The following PPP1R21 variants were observed in gnomAD, a reference collection of about 807,000 sequenced individuals.
PPP1R21 encodes protein phosphatase 1 regulatory subunit 21, also known as KLRAQ motif containing 1.
A neutral mutation model predicts 112.8 loss-of-function variants in PPP1R21; 85 were observed. The observed-to-expected ratio is 0.75, with a 90% confidence interval of 0.63 to 0.90. The LOEUF (loss-of-function observed/expected upper bound fraction) is 0.90. Ranked by LOEUF, PPP1R21 falls within the 40% of genes least tolerant of loss-of-function variation. The pLI is 0.00. For synonymous variants in PPP1R21, 381 were observed against 322.3 expected (o/e 1.18, Z -1.95); for missense variants, 1,199 against 901.5 (o/e 1.33, Z -4.23).
chr2:48,474,232 A>G (rs1435656302), intron 11 of PPP1R21, among the ~76,000 whole-genome samples: 1 of 152,106 alleles, frequency 6.6e-6, no homozygotes, highest in Non-Finnish European at 1.5e-5. Flanking sequence ...AAAGTACAAA[A>G]ATTAGCCGGG....
At chr2:48,485,234 C>T (rs1227649796) in intron 13 of PPP1R21, among the ~76,000 whole-genome samples, 2 of 151,948 alleles carry the variant, frequency 1.3e-5, no homozygotes, top group South Asian at 2.1e-4. Flanking sequence ...CAATGGAAGC[C>T]CAAACCCCAG....
At position 48,461,134 on chromosome 2, in the gene PPP1R21, G is replaced by A; in HGVS notation, c.600-4G>A. 6.5e-7 allele frequency: 1 copy of A among 1,527,186 alleles called. No individual in the cohort carries two copies. Among genetic ancestry groups the A allele is most frequent in the Non-Finnish European group, 8.7e-7 (1 of 1,147,742 alleles). The allele number at this position is 1,527,186 out of a possible 1,614,324, so 94.6% of individuals were successfully genotyped here. On this transcript the variant is annotated splice_region_variant and splice_polypyrimidine_tract_variant and intron_variant, in intron 6 of 21. Transcript: ENST00000294952. ...GTGGTTTTGTATTTTTTTTTTTTTT[G>A]CAGTCAATTACAGTTAAAGACTCTT...
chr2:48,465,673 C>A (rs761980596), intron 9 of PPP1R21, 31 bp downstream of exon 9: 1 of 1,594,692 alleles, frequency 6.3e-7, no homozygotes, highest in South Asian at 1.1e-5. Context: ...ATTTTGTTTG[C>A]CCTGAACAAA....
At chr2:48,495,823 C>T (rs764417223) in intron 16 of PPP1R21, 52 bp downstream of exon 16, 8 of 1,056,088 alleles carry the variant, frequency 7.6e-6, no homozygotes, top group South Asian at 6.4e-5. Context: ...AATGTTAAAT[C>T]CCCCATAGAA....
chr2:48,510,047 T>A lies in PPP1R21; in HGVS notation c.2118T>A (p.Ala706=), dbSNP rs1572902004. ...CRALSKRLAL[A]EKSKEALTEE... Reference sequence around the variant, plus strand: ...CACTGTCTAAAAGACTGGCCTTGGCTGAAAAGTCTAAGGAAGCATTGACAG... The same window carrying A: ...CACTGTCTAAAAGACTGGCCTTGGCAGAAAAGTCTAAGGAAGCATTGACAG... Residue 706 remains alanine, a synonymous_variant, in exon 20 of 22, where the codon GCT becomes GCA. Coordinates refer to ENST00000294952, the MANE Select transcript of PPP1R21 (RefSeq NM_001135629.3). 1 of 1,613,964 alleles carries A rather than the reference T, an allele frequency of 6.2e-7. No individual in the cohort carries two copies. The highest frequency in any genetic ancestry group is 2.2e-5 in the East Asian group (1 of 44,880).
chr2:48,461,594 C>T (rs1310201793), intron 7 of PPP1R21, among the ~76,000 whole-genome samples: 1 of 152,122 alleles, frequency 6.6e-6, no homozygotes, highest in Non-Finnish European at 1.5e-5. Flanking sequence ...GTTAAATCAT[C>T]TTAAAATTAT....
intron 15 of PPP1R21, among the ~76,000 whole-genome samples, chr2:48,492,215 T>C (rs745730576): frequency 9.9e-5 from 15 of 152,196 alleles, no homozygotes; most frequent in Non-Finnish European, 2.2e-4. Context: ...TCTCTAGAGG[T>C]AACCATAATT....
intron 13 of PPP1R21, among the ~76,000 whole-genome samples, chr2:48,483,623 A>C (rs1305281343): frequency 1.3e-5 from 2 of 152,336 alleles, no homozygotes; most frequent in South Asian, 2.1e-4. Flanking sequence ...AGTAGTGCAC[A>C]TAGTATTTTA....
chr2:48,463,578 C>G (rs114121626), intron 7 of PPP1R21, among the ~76,000 whole-genome samples: 1 of 151,806 alleles, frequency 6.6e-6, no homozygotes, highest in East Asian at 1.9e-4. Context: ...GCCTGACAGA[C>G]GGGCAAAGTG....
chr2:48,459,663 G>T (rs1325391537), intron 4 of PPP1R21, 91 bp from the exon 5 acceptor site: 12 of 1,393,568 alleles, frequency 8.6e-6, no homozygotes, highest in African/African-American at 1.4e-5. Flanking sequence ...GAACCATGTG[G>T]AAGTTGCTCA....
At chr2:48,471,479 T>C in intron 11 of PPP1R21, 112 bp downstream of exon 11, 2 of 1,072,880 alleles carry the variant, frequency 1.9e-6, no homozygotes, top group Non-Finnish European at 2.6e-6. Context: ...ACTTTTCTGC[T>C]TCACAGTTAA....
At chr2:48,505,466 C>A (rs1411590541) in intron 17 of PPP1R21, 98 bp from the exon 18 acceptor site, 2 of 875,978 alleles carry the variant, frequency 2.3e-6, no homozygotes, top group Non-Finnish European at 1.9e-6. Flanking sequence ...ACCCTCAATG[C>A]TCTGTGAACG....
chr2:48,510,810 A>G (rs752991650), intron 20 of PPP1R21, among the ~76,000 whole-genome samples: 7 of 152,210 alleles, frequency 4.6e-5, no homozygotes, highest in Non-Finnish European at 8.8e-5. Flanking sequence ...AACCTGAGGG[A>G]ATTTGGAAAG....
At chr2:48,494,058 CAAAAAAA>C (rs70943344) in intron 15 of PPP1R21, among the ~76,000 whole-genome samples, 8 of 63,236 alleles carry the variant, frequency 1.3e-4, no homozygotes, top group African/African-American at 4.0e-4. Context: ...CTCGTCTCTC[CAAAAAAA>C]AAAAAAAAAA....
chr2:48,448,239 G>A (rs1164390836), intron 1 of PPP1R21, among the ~76,000 whole-genome samples: 2 of 152,098 alleles, frequency 1.3e-5, no homozygotes, highest in East Asian at 1.9e-4. Flanking sequence ...CCATGTTTGA[G>A]TTACCAGTTT....
In PPP1R21 at chr2:48,459,908, C is replaced by A; in HGVS notation, c.530C>A (p.Ala177Asp). ...ETIEKLQNDK[A>D]KLEVKSQTLE... Reference sequence around the variant, plus strand: ...ATTGAGAAGCTGCAGAACGACAAGGCTAAACTAGAAGTAAGCCCCATTGTG... The same window carrying A: ...ATTGAGAAGCTGCAGAACGACAAGGATAAACTAGAAGTAAGCCCCATTGTG... Residue 177 changes from alanine to aspartate, a missense_variant, in exon 5 of 22, where the codon GCT becomes GAT. Coordinates refer to ENST00000294952, the MANE Select transcript of PPP1R21 (RefSeq NM_001135629.3). The A allele has an allele frequency of 6.2e-7, 1 of 1,613,612 alleles. No homozygotes were observed. The highest frequency in any genetic ancestry group is 8.5e-7 in the Non-Finnish European group (1 of 1,179,826).
At chr2:48,469,443 T>TAG (rs1553339225) in intron 9 of PPP1R21, among the ~76,000 whole-genome samples, 1 of 72,672 alleles carries the variant, frequency 1.4e-5, no homozygotes, top group African/African-American at 4.8e-5. Flanking sequence ...TATATATATA[T>TAG]AGAGAGAGCA....
At chr2:48,443,523 A>G (rs897239738) in intron 1 of PPP1R21, among the ~76,000 whole-genome samples, 1 of 152,204 alleles carries the variant, frequency 6.6e-6, no homozygotes. Context: ...GAAATTGGGA[A>G]ACACCTGTCG....
At chr2:48,489,993 C>T (rs567527320) in intron 14 of PPP1R21, among the ~76,000 whole-genome samples, 17 of 151,878 alleles carry the variant, frequency 1.1e-4, no homozygotes, top group Admixed American at 7.2e-4. Context: ...TGCAGTGAGC[C>T]GAGATCGTGC....
Sources: allele counts gnomAD v4.1 joint callset (sites outside exome capture counted in the v4.1 genomes callset), GRCh38; gene constraint gnomAD v4.1.1; transcripts MANE v1.5; gene names NCBI Gene and HGNC (gene_info 2026-07-23, HGNC 2026-07-21).